NHLRC2: variants seen among roughly 807,000 people sequenced by gnomAD.
NHLRC2 encodes the protein NHL repeat-containing protein 2.
NHLRC2 carries 33 observed loss-of-function variants against 68.1 expected under a neutral mutation model. That is an observed-to-expected ratio of 0.48 (90% CI 0.37 to 0.65). The LOEUF (loss-of-function observed/expected upper bound fraction) is 0.65, where lower values mean the gene tolerates loss of function less well. Ranked by LOEUF, NHLRC2 falls within the 30% of genes least tolerant of loss-of-function variation. NHLRC2 has a pLI of 0.00. For synonymous variants in NHLRC2, 311 were observed against 309.6 expected, an observed-to-expected ratio of 1.00 and a Z score of -0.05; for missense variants, 761 against 853.8, an observed-to-expected ratio of 0.89 and a Z score of 1.35.
rs1381871546 is a variant in NHLRC2, at chr10:113,915,237, C to T, written c.*6701C>T. Reference sequence around the variant, plus strand: ...CCACAGGACCAAAAGGAAAATATTGCAACTATTTGCAAACATACTTCCCTA... The same window carrying T: ...CCACAGGACCAAAAGGAAAATATTGTAACTATTTGCAAACATACTTCCCTA... On this transcript the variant is annotated 3_prime_UTR_variant, in exon 11 of 11. Transcript: ENST00000369301. 2 of 456,264 alleles carry T rather than the reference C, an allele frequency of 4.4e-6. No homozygotes were observed. The highest frequency in any genetic ancestry group is 4.7e-5 in the Admixed American group (2 of 42,580). The allele number at this position is 456,264 out of a possible 1,614,324, so 28.3% of individuals were successfully genotyped here. A position where few individuals can be genotyped will look rare whatever the true frequency, so the allele number is the denominator to read the frequency against.
intron 2 of NHLRC2, among the ~76,000 whole-genome samples, chr10:113,864,793 G>A (rs1845849284): frequency 6.6e-6 from 1 of 151,898 alleles, no homozygotes; most frequent in Non-Finnish European, 1.5e-5. Context: ...CACTGGGAGG[G>A]TTACACTCAG....
At chr10:113,858,715 C>T (rs765130152) in intron 2 of NHLRC2, 35 bp downstream of exon 2, 1 of 1,531,152 alleles carries the variant, frequency 6.5e-7, no homozygotes, top group East Asian at 2.3e-5. Flanking sequence ...AACAGACTGT[C>T]CTGGCATAGT....
rs115758804 is a variant in NHLRC2, at chr10:113,894,062, G to A, written c.1040-4048G>A. Among the ~76,000 whole-genome samples the A allele has an allele frequency of 3.5e-3, 532 of 152,290 alleles. 3 individuals carry two copies. The highest frequency in any genetic ancestry group is 0.012 in the African/African-American group (500 of 41,558). On this transcript the variant is annotated intron_variant, in intron 5 of 10. Transcript: ENST00000369301. The stretch of plus-strand genomic sequence containing the variant: ...GTCAAGGTGGAGGTGGTGAGAAGTG[G>A]TCAGATTTTGAATATATTTTGAATA...
At chr10:113,883,803 T>TGC (rs1846057273) in intron 4 of NHLRC2, among the ~76,000 whole-genome samples, 1 of 151,986 alleles carries the variant, frequency 6.6e-6, no homozygotes, top group Non-Finnish European at 1.5e-5. Context: ...GTTATGAGCA[T>TGC]GGCTGGATGG....
At chr10:113,898,683 A>G (rs571438476) in intron 6 of NHLRC2, among the ~76,000 whole-genome samples, 1 of 152,224 alleles carries the variant, frequency 6.6e-6, no homozygotes, top group Non-Finnish European at 1.5e-5. Flanking sequence ...TAGTTGAACT[A>G]TCTCTAATCA....
At position 113,879,841 on chromosome 10, in the gene NHLRC2, A is replaced by G. The variant is rs1846021317; in HGVS notation, c.909+146A>G. 3.1e-5 allele frequency: 16 copies of G among 523,952 alleles called. No individual in the cohort carries two copies. The South Asian group carries it at 4.4e-4, about 14-fold the overall frequency. 32.5% of individuals were successfully genotyped at this position (523,952 alleles called of 1,614,324 possible). ...TTCTTGAGGTACGTACTTTAGTTTTATTCTCAAGTATCCTGTTTCTATTTG... is the reference window on the plus strand; with the variant it reads ...TTCTTGAGGTACGTACTTTAGTTTTGTTCTCAAGTATCCTGTTTCTATTTG... On this transcript the variant is annotated intron_variant, in intron 4 of 10. Transcript: ENST00000369301.
At chr10:113,902,034 G>A (rs1846234104) in intron 7 of NHLRC2, 137 bp downstream of exon 7, 1 of 629,652 alleles carries the variant, frequency 1.6e-6, no homozygotes, top group African/African-American at 1.8e-5. Context: ...CAGACCAAAG[G>A]AAATGTGAAT....
chr10:113,866,200 G>A (rs1432431832), intron 2 of NHLRC2, among the ~76,000 whole-genome samples: 2 of 152,214 alleles, frequency 1.3e-5, no homozygotes, highest in African/African-American at 4.8e-5. Flanking sequence ...ATGCCAAGAA[G>A]TTTGAAAGCA....
rs912037473 is a variant in NHLRC2, at chr10:113,907,771, A to T, written c.1925-509A>T. 9.9e-5 allele frequency among the ~76,000 whole-genome samples: 15 copies of T among 152,258 alleles called. No homozygotes were observed. The South Asian group carries it at 1.2e-3, about 13-fold the overall frequency. The stretch of plus-strand genomic sequence containing the variant: ...AAATAAAGTGTGTGTGTATTTTTAA[A>T]TTATTTTTAGATATTCAATAATTCA... On this transcript the variant is annotated intron_variant, in intron 10 of 10. Coordinates refer to ENST00000369301, the MANE Select transcript of NHLRC2 (RefSeq NM_198514.4).
At chr10:113,894,248 A>G (rs1234917463) in intron 5 of NHLRC2, among the ~76,000 whole-genome samples, 2 of 152,206 alleles carry the variant, frequency 1.3e-5, no homozygotes, top group Non-Finnish European at 2.9e-5. Flanking sequence ...ATAAGGTCCT[A>G]ACATTGGCTG....
chr10:113,856,023 T>C (rs1845753686), intron 1 of NHLRC2, among the ~76,000 whole-genome samples: 1 of 152,212 alleles, frequency 6.6e-6, no homozygotes, highest in Admixed American at 6.5e-5. Context: ...TTAGCTGTAC[T>C]GTGCTTCTCC....
Position 113,910,790 on chromosome 10 carries a change from C to T in NHLRC2, c.*2254C>T, listed in dbSNP as rs969210005. 1 of 152,086 alleles carries T rather than the reference C, an allele frequency of 6.6e-6. No individual in the cohort carries two copies. The highest frequency in any genetic ancestry group is 6.5e-5 in the Admixed American group (1 of 15,272). The allele number at this position is 152,086 out of a possible 1,614,324, so 9.4% of individuals were successfully genotyped here. On this transcript the variant is annotated 3_prime_UTR_variant, in exon 11 of 11. Coordinates refer to ENST00000369301, the MANE Select transcript of NHLRC2 (RefSeq NM_198514.4). ...TTTGTCTAGACAGTTTTAGGTTAGCCTTAGCTTATACTTTTCTTGACTTTC... is the reference window on the plus strand; with the variant it reads ...TTTGTCTAGACAGTTTTAGGTTAGCTTTAGCTTATACTTTTCTTGACTTTC...
chr10:113,876,641 C>A lies in NHLRC2; in HGVS notation c.452C>A (p.Ala151Asp), dbSNP rs372751881. ...CACCCTATGGTTAATGATGCAGATGCCAGCCTTTGGCAAGAACTAGAAGTT... is the reference window on the plus strand; with the variant it reads ...CACCCTATGGTTAATGATGCAGATGACAGCCTTTGGCAAGAACTAGAAGTT... ...ITHPMVNDAD[A>D]SLWQELEVSC... Residue 151 changes from alanine (A) to aspartate (D), a missense_variant, in exon 3 of 11, where the codon GCC becomes GAC. Physicochemically the swap from Ala to Asp is moderately radical, Grantham distance 126. Transcript: ENST00000369301. 5 of 1,613,836 alleles carry A rather than the reference C, an allele frequency of 3.1e-6. No individual in the cohort carries two copies. Among genetic ancestry groups the A allele is most frequent in the Non-Finnish European group, 4.2e-6 (5 of 1,179,814 alleles).
At position 113,915,106 on chromosome 10, in the gene NHLRC2, C is replaced by G. The variant is rs1163939761; in HGVS notation, c.*6570C>G. 1 of 456,244 alleles carries G rather than the reference C, an allele frequency of 2.2e-6. No homozygotes were observed. The highest frequency in any genetic ancestry group is 4.4e-6 in the Non-Finnish European group (1 of 226,970). The allele number at this position is 456,244 out of a possible 1,614,324, so 28.3% of individuals were successfully genotyped here. A position where few individuals can be genotyped will look rare whatever the true frequency, so the allele number is the denominator to read the frequency against. On this transcript the variant is annotated 3_prime_UTR_variant, in exon 11 of 11. Transcript: ENST00000369301. ...GGGTTGGAGTTGGAAAGTGAAAACC[C>G]TAGACACTTGCTGTGGAATGTTTGC... is the stretch of plus-strand genomic sequence containing the variant.
intron 2 of NHLRC2, 48 bp downstream of exon 2, chr10:113,858,728 C>A: frequency 7.1e-7 from 1 of 1,407,810 alleles, no homozygotes; most frequent in Non-Finnish European, 9.9e-7. Flanking sequence ...GGCATAGTCA[C>A]TGGAAGAGTG....
intron 5 of NHLRC2, 119 bp downstream of exon 5, chr10:113,884,499 C>A: frequency 2.8e-6 from 2 of 701,996 alleles, no homozygotes; most frequent in South Asian, 2.1e-5. Flanking sequence ...TACTTTTATA[C>A]CTATGCCTCA....
intron 2 of NHLRC2, among the ~76,000 whole-genome samples, chr10:113,864,948 T>C (rs1845850880): frequency 6.7e-6 from 1 of 148,588 alleles, no homozygotes; most frequent in African/African-American, 2.5e-5. Flanking sequence ...AAATCAGAGG[T>C]TTTTTGGTTT....
intron 8 of NHLRC2, 128 bp downstream of exon 8, chr10:113,902,721 T>A: frequency 1.3e-6 from 1 of 785,742 alleles, no homozygotes; most frequent in Non-Finnish European, 2.1e-6. Context: ...TTGACAACTA[T>A]AACCCAGCCT....
At chr10:113,892,769 C>T (rs1371262705) in intron 5 of NHLRC2, among the ~76,000 whole-genome samples, 1 of 152,064 alleles carries the variant, frequency 6.6e-6, no homozygotes, top group Non-Finnish European at 1.5e-5. Flanking sequence ...GCCAGACCAG[C>T]TAGGTTTGCA....
Sources: gnomAD v4.1 joint callset for allele counts (sites outside exome capture counted in the v4.1 genomes callset) on GRCh38, gnomAD v4.1.1 for gene constraint, MANE v1.5 for transcripts, NCBI Gene and HGNC (gene_info 2026-07-23, HGNC 2026-07-21) for gene names.